LLGL2: variants seen among roughly 807,000 people sequenced by gnomAD.
LLGL2 encodes the protein LLGL2, scribble cell polarity complex component.
In LLGL2, 81 loss-of-function variants were observed where a neutral mutation model predicts 123.2. The observed-to-expected ratio is 0.66, with a 90% CI of 0.55 to 0.79. The LOEUF (loss-of-function observed/expected upper bound fraction) is 0.79. Ranked by LOEUF, LLGL2 falls within the 30% of genes least tolerant of loss-of-function variation. The probability of loss-of-function intolerance (pLI) is 0.00; values close to 1 mark genes in which losing one functional copy is unlikely to be tolerated. For synonymous variants in LLGL2, 577 were observed against 594.1 expected (o/e 0.97, Z 0.42); for missense variants, 1,273 against 1,414.6 (o/e 0.90, Z 1.61).
chr17:75,566,839 C>A (rs2055463903), intron 10 of LLGL2, among the ~76,000 whole-genome samples: 2 of 152,104 alleles, frequency 1.3e-5, no homozygotes, highest in Non-Finnish European at 2.9e-5. Context: ...GATCTCCAGA[C>A]CCATAAGGGA....
At chr17:75,574,176 C>A in intron 22 of LLGL2, 37 bp from the exon 23 acceptor site, 2 of 1,519,862 alleles carry the variant, frequency 1.3e-6, no homozygotes, top group Admixed American at 2.1e-5. Flanking sequence ...CGAGGAGGGC[C>A]CAGGCGGGGC....
At chr17:75,538,364 C>T (rs1468791533) in intron 1 of LLGL2, among the ~76,000 whole-genome samples, 1 of 152,156 alleles carries the variant, frequency 6.6e-6, no homozygotes, top group African/African-American at 2.4e-5. Flanking sequence ...TTGGGCCCCC[C>T]ACTTGTCTTC....
chr17:75,537,115 G>A (rs900560348), intron 1 of LLGL2, among the ~76,000 whole-genome samples: 8 of 152,128 alleles, frequency 5.3e-5, no homozygotes, highest in Non-Finnish European at 1.0e-4. Context: ...GAGCCACAGC[G>A]CCCGGCCCTT....
chr17:75,529,896 T>G (rs931833688), intron 1 of LLGL2, among the ~76,000 whole-genome samples: 5 of 152,134 alleles, frequency 3.3e-5, no homozygotes, highest in African/African-American at 4.8e-5. Flanking sequence ...AAAAAGATTT[T>G]TAGTGTCTTT....
intron 2 of LLGL2, among the ~76,000 whole-genome samples, chr17:75,548,528 C>T (rs997233927): frequency 7.2e-5 from 11 of 152,140 alleles, no homozygotes; most frequent in Admixed American, 2.6e-4. Flanking sequence ...GGCCGGGCGC[C>T]GTGTCTCCTG....
chr17:75,573,750 T>G, intron 21 of LLGL2, 119 bp downstream of exon 21: 1 of 1,135,152 alleles, frequency 8.8e-7, no homozygotes, highest in Non-Finnish European at 1.2e-6. Context: ...CAGCCCACCC[T>G]CCCAGGCTCC....
chr17:75,570,823 CGCAGGCCTG>C, intron 16 of LLGL2, 118 bp from the exon 17 acceptor site: 1 of 1,267,098 alleles, frequency 7.9e-7, no homozygotes, highest in Admixed American at 2.3e-5. Context: ...TCCCTCTAGA[CGCAGGCCTG>C]GCAGGTGGCT....
At chr17:75,530,812 A>G (rs1446321667) in intron 1 of LLGL2, among the ~76,000 whole-genome samples, 2 of 152,144 alleles carry the variant, frequency 1.3e-5, no homozygotes, top group Non-Finnish European at 2.9e-5. Context: ...CTCTAACTCA[A>G]AAAGAGAAAA....
intron 19 of LLGL2, among the ~76,000 whole-genome samples, chr17:75,572,370 T>C (rs1318197210): frequency 7.3e-6 from 1 of 137,008 alleles, no homozygotes; most frequent in Non-Finnish European, 1.6e-5. Context: ...CAAAAAAAAA[T>C]AGCCCGGCAT....
At chr17:75,535,114 A>G (rs542879950) in intron 1 of LLGL2, among the ~76,000 whole-genome samples, 29 of 152,320 alleles carry the variant, frequency 1.9e-4, no homozygotes, top group South Asian at 4.1e-4. Flanking sequence ...CAAAGCGGCT[A>G]CAGGCGTCTG....
In LLGL2 at chr17:75,558,279, CCTTG is replaced by C; in HGVS notation, c.255+45_255+48del. ...GGACAGGAAGCCACTTCCATGCCCT[CCTTG>C]CCTTCACTGCTTCCAGCAGGGCTGG... is the stretch of plus-strand genomic sequence containing the variant. On this transcript the variant is annotated intron_variant, in intron 4 of 25. Transcript: ENST00000392550. This position sits in a 1 kb window ranked among gnomAD's most constrained non-coding sequence, Gnocchi z 4.0. 6.4e-7 allele frequency: 1 copy of C among 1,559,588 alleles called. No individual in the cohort carries two copies. The highest frequency in any genetic ancestry group is 8.8e-7 in the Non-Finnish European group (1 of 1,137,016).
rs2055066481 is a variant in LLGL2 at position 75,558,941 on chromosome 17, ACCCCGCCTC to A, written c.372-309_372-301del. 1 of 378,578 alleles carries A rather than the reference ACCCCGCCTC, an allele frequency of 2.6e-6. No individual in the cohort carries two copies. Among genetic ancestry groups the A allele is most frequent in the African/African-American group, 3.0e-5 (1 of 33,618 alleles). The allele number at this position is 378,578 out of a possible 1,614,324, so 23.5% of individuals were successfully genotyped here. ...TCCGCACCCCACCTCCTCCATCCGC[ACCCCGCCTC>A]CTCCATCCGCACCCCGCCTCCTCCA... On this transcript the variant is annotated intron_variant, in intron 5 of 25. Transcript: ENST00000392550. This position sits in a 1 kb window ranked among gnomAD's most constrained non-coding sequence, Gnocchi z 4.0.
In LLGL2 at chr17:75,573,550, G is replaced by C. The variant is rs531735499; in HGVS notation, c.2795G>C (p.Arg932Pro). ...SLSTKWLVEP[R>P]CLVDSAETKN... ...TCCACCAAGTGGCTGGTGGAGCCCC[G>C]GTGTCTGGTGGATTCAGCAGAAACC... Residue 932 changes from arginine (R) to proline (P), a missense_variant, in exon 21 of 26, where the codon CGG becomes CCG. Physicochemically the swap from Arg to Pro is moderately radical, Grantham distance 103. Coordinates refer to ENST00000392550, the MANE Select transcript of LLGL2 (RefSeq NM_001031803.2). The C allele has an allele frequency of 1.2e-6, 2 of 1,612,848 alleles. No homozygotes were observed. The highest frequency in any genetic ancestry group is 1.7e-5 in the Admixed American group (1 of 60,018).
intron 14 of LLGL2, 62 bp downstream of exon 14, chr17:75,569,387 G>C (rs547494879): frequency 7.3e-7 from 1 of 1,364,612 alleles, no homozygotes; most frequent in Non-Finnish European, 1.0e-6. Context: ...GGGACAGCAG[G>C]GACAGGAGCC....
chr17:75,572,427 G>A (rs1235572016), intron 19 of LLGL2, among the ~76,000 whole-genome samples: 3 of 152,306 alleles, frequency 2.0e-5, no homozygotes, highest in Non-Finnish European at 4.4e-5. Flanking sequence ...ACTTTGGGAG[G>A]CCGAGGCGGG....
chr17:75,556,251 G>A lies in LLGL2; in HGVS notation c.173+108G>A, dbSNP rs2054909453. On this transcript the variant is annotated intron_variant, in intron 3 of 25. Transcript: ENST00000392550. ...CCGTGGGCTGTTGGGATAAAATGAG[G>A]GACTTTCCTGATTTCCAGTTTTGGA... 1.2e-5 allele frequency: 10 copies of A among 846,378 alleles called. No homozygotes were observed. The East Asian group carries it at 2.3e-4, about 20-fold the overall frequency. The allele number at this position is 846,378 out of a possible 1,614,324, so 52.4% of individuals were successfully genotyped here.
intron 1 of LLGL2, among the ~76,000 whole-genome samples, chr17:75,527,594 T>A (rs1045687108): frequency 2.0e-5 from 3 of 152,056 alleles, no homozygotes; most frequent in African/African-American, 7.2e-5. Context: ...TTCTTTTTTT[T>A]AAACTAAGTT....
At chr17:75,538,464 T>G (rs1234420876) in intron 1 of LLGL2, 1 of 152,254 alleles carries the variant, frequency 6.6e-6, no homozygotes, top group African/African-American at 2.4e-5. Flanking sequence ...TGTCTGTGGC[T>G]GGCCCCTTCC....
intron 3 of LLGL2, 42 bp downstream of exon 3, chr17:75,556,185 G>T: frequency 6.7e-7 from 1 of 1,500,748 alleles, no homozygotes; most frequent in Non-Finnish European, 9.2e-7. Context: ...AGGGCCTTGG[G>T]GTGGGTGAGA....
Sources: allele counts gnomAD v4.1 joint callset (sites outside exome capture counted in the v4.1 genomes callset), GRCh38; gene constraint gnomAD v4.1.1; non-coding constraint Gnocchi (gnomAD v3.1); transcripts MANE v1.5; gene names NCBI Gene and HGNC (gene_info 2026-07-23, HGNC 2026-07-21).